Variants in AMPD3 observed in about 807,000 individuals in gnomAD.
AMPD3 encodes the protein AMP deaminase 3.
In AMPD3, 57 loss-of-function variants were observed where a neutral mutation model predicts 82.3. The observed-to-expected ratio is 0.69, with a 90% CI of 0.56 to 0.86. The LOEUF (loss-of-function observed/expected upper bound fraction) is 0.86, where lower values mean the gene tolerates loss of function less well. AMPD3 is among the 40% of genes least tolerant of loss of function. AMPD3 has a pLI of 0.00. For missense variants in AMPD3, 870 were observed against 1,003.8 expected, an observed-to-expected ratio of 0.87 and a Z score of 1.80; for synonymous variants, 381 against 394.7, an observed-to-expected ratio of 0.97 and a Z score of 0.41.
chr11:10,489,865 G>A (rs2133910483), intron 6 of AMPD3, among the ~76,000 whole-genome samples: 1 of 152,206 alleles, frequency 6.6e-6, no homozygotes, highest in Non-Finnish European at 1.5e-5. Context: ...ATTTTTAGTA[G>A]AGATGGGGTT....
At chr11:10,493,186 C>T (rs142679296) in intron 6 of AMPD3, among the ~76,000 whole-genome samples, 163 bp from the exon 7 acceptor site, 58 of 152,260 alleles carry the variant, frequency 3.8e-4, no homozygotes, top group African/African-American at 1.1e-3. Context: ...ATACCAGTTC[C>T]GAAGTCTGGA....
At chr11:10,455,191 T>C (rs1336172653), upstream of AMPD3, 24 of 985,316 alleles carry the variant, frequency 2.4e-5, no homozygotes, top group Non-Finnish European at 2.8e-5. Context: ...GCCATTTTGC[T>C]CATGGTTATT....
rs1294221839 is a variant in AMPD3 at position 10,507,453 on chromosome 11, GT to G, written c.*1573del. The G allele has an allele frequency of 4.6e-5, 7 of 151,836 alleles. No individual in the cohort carries two copies. Among genetic ancestry groups the G allele is most frequent in the African/African-American group, 1.7e-4 (7 of 41,116 alleles). The allele number at this position is 151,836 out of a possible 1,614,324, so 9.4% of individuals were successfully genotyped here. A position where few individuals can be genotyped will look rare whatever the true frequency, so the allele number is the denominator to read the frequency against. ...AAATCCATTGTTATCTTAGGGATTAGTTTTGAAAAGCCCCCGTTTATATACA... is the reference window on the plus strand; with the variant it reads ...AAATCCATTGTTATCTTAGGGATTAGTTTGAAAAGCCCCCGTTTATATACA... On this transcript the variant is annotated 3_prime_UTR_variant, in exon 15 of 15. Coordinates refer to ENST00000396553, the MANE Select transcript of AMPD3 (RefSeq NM_001025389.2).
chr11:10,481,437 G>A, intron 3 of AMPD3: 1 of 985,380 alleles, frequency 1.0e-6, no homozygotes, highest in Non-Finnish European at 1.2e-6. Context: ...TTAGCTGCAT[G>A]TGAGGCCGGC....
At chr11:10,450,660 C>A (rs563278746), upstream of AMPD3, 2 of 1,018,452 alleles carry the variant, frequency 2.0e-6, no homozygotes, top group South Asian at 4.6e-5. Flanking sequence ...CGGCCAAGGG[C>A]CCTGGCGGCC....
chr11:10,490,056 C>G (rs1490885489), intron 6 of AMPD3, among the ~76,000 whole-genome samples: 1 of 152,114 alleles, frequency 6.6e-6, no homozygotes, highest in African/African-American at 2.4e-5. Context: ...GGATGATGGC[C>G]TCCGTATGTC....
intron 10 of AMPD3, chr11:10,499,593 C>T: frequency 1.1e-6 from 1 of 940,906 alleles, no homozygotes; most frequent in Non-Finnish European, 1.3e-6. Flanking sequence ...TGGCAGCCAA[C>T]CCCTCCCTCC....
In AMPD3 at chr11:10,484,899, C is replaced by T. The variant is rs34319136; in HGVS notation, c.669C>T (p.His223=). The part of the protein sequence containing the change: ...DAPPNLDYLV[H]MQGGILFVYD... The stretch of plus-strand genomic sequence containing the variant: ...CCCCCAACCTGGATTACTTGGTCCA[C>T]ATGCAGGGGGGCATCCTCTTTGTGT... The change falls in exon 5 of 15, where the codon CAC becomes CAT. Residue 223 remains histidine (H), a synonymous_variant. Coordinates refer to ENST00000396553, the MANE Select transcript of AMPD3 (RefSeq NM_001025389.2). 6,862 of 1,614,096 alleles carry T rather than the reference C, an allele frequency of 4.3e-3. 213 individuals carry two copies. In the African/African-American group the frequency reaches 0.071, roughly 17 times the overall value.
In AMPD3 at chr11:10,493,357, A is replaced by G. The variant is rs559431211; in HGVS notation, c.948A>G (p.Thr316=). ...TGGGCGCTGTGTTCCAGGTGGACAC[A>G]CACATCCATGCGGCCGCCTGCATGA... The part of the protein sequence containing the change: ...RDFYNVRKVD[T]HIHAAACMNQ... Residue 316 remains threonine, a synonymous_variant, in exon 7 of 15, where the codon ACA becomes ACG. Coordinates refer to ENST00000396553, the MANE Select transcript of AMPD3 (RefSeq NM_001025389.2). The G allele has an allele frequency of 7.4e-6, 12 of 1,614,168 alleles. No homozygotes were observed. In the South Asian group the frequency reaches 1.3e-4, roughly 18 times the overall value.
chr11:10,489,226 A>G (rs1010434156), intron 6 of AMPD3, among the ~76,000 whole-genome samples: 2 of 152,112 alleles, frequency 1.3e-5, no homozygotes, highest in Admixed American at 1.3e-4. Flanking sequence ...AGCCCTGCCC[A>G]AAGAACTTCA....
At chr11:10,487,152 T>A (rs962481577) in intron 5 of AMPD3, 83 bp from the exon 6 acceptor site, 27 of 1,601,382 alleles carry the variant, frequency 1.7e-5, no homozygotes, top group Non-Finnish European at 2.2e-5. Context: ...CAGCCAGGGT[T>A]GGCCCCTGCA....
rs879121732 is a variant in AMPD3 at position 10,484,707 on chromosome 11, G to A, written c.590-113G>A. 36 of 1,354,352 alleles carry A rather than the reference G, an allele frequency of 2.7e-5. 2 individuals carry two copies. The highest frequency in any genetic ancestry group is 2.1e-4 in the East Asian group (9 of 43,140). 83.9% of individuals were successfully genotyped at this position (1,354,352 alleles called of 1,614,324 possible). On this transcript the variant is annotated intron_variant, in intron 4 of 14. Coordinates refer to ENST00000396553, the MANE Select transcript of AMPD3 (RefSeq NM_001025389.2). ...GGAAGAGCATATGAGATGCGGGGCC[G>A]GCGCAGGGTTGGATTTTGGGCAGGA... is the stretch of plus-strand genomic sequence containing the variant.
At chr11:10,463,294 C>T (rs1848324753) in intron 2 of AMPD3, among the ~76,000 whole-genome samples, 1 of 152,196 alleles carries the variant, frequency 6.6e-6, no homozygotes, top group Non-Finnish European at 1.5e-5. Flanking sequence ...CTTCACCACT[C>T]ATAAGACCAG....
At chr11:10,457,173 G>A (rs1465037050) in intron 1 of AMPD3, among the ~76,000 whole-genome samples, 1 of 151,404 alleles carries the variant, frequency 6.6e-6, no homozygotes, top group Admixed American at 6.6e-5. Context: ...TAGAGATGAG[G>A]TTCTGACATA....
intron 2 of AMPD3, among the ~76,000 whole-genome samples, chr11:10,475,013 T>C (rs1295373997): frequency 6.6e-6 from 1 of 152,220 alleles, no homozygotes; most frequent in African/African-American, 2.4e-5. Context: ...TGTATTAGTT[T>C]GCACTGCTAT....
At position 10,494,980 on chromosome 11, in the gene AMPD3, T is replaced by A. The variant is rs1171235727; in HGVS notation, c.1216T>A (p.Leu406Met). ...GGCCAGTGAGCTGCGTGACCTGTAT[T>A]TGAAAACTGAAAACTATCTGGGAGG... ...VGASELRDLY[L>M]KTENYLGGEY... Residue 406 changes from leucine to methionine, a missense_variant, in exon 8 of 15, where the codon TTG becomes ATG. Transcript: ENST00000396553. 1.2e-6 allele frequency: 2 copies of A among 1,614,078 alleles called. No homozygotes were observed. Among genetic ancestry groups the A allele is most frequent in the Non-Finnish European group, 1.7e-6 (2 of 1,180,022 alleles).
At chr11:10,502,670 C>T (rs1308164895) in intron 12 of AMPD3, 51 bp from the exon 13 acceptor site, 1 of 1,607,676 alleles carries the variant, frequency 6.2e-7, no homozygotes, top group Admixed American at 1.7e-5. Context: ...TTCCCTTTTC[C>T]CTTCTCCCCT....
Position 10,456,316 on chromosome 11 carries a change from G to T in AMPD3, c.-6+868G>T. 1 of 1,611,220 alleles carries T rather than the reference G, an allele frequency of 6.2e-7. No individual in the cohort carries two copies. Among genetic ancestry groups the T allele is most frequent in the Non-Finnish European group, 8.5e-7 (1 of 1,178,080 alleles). ...CCAGCTGCACGCACGCACTGACTCA[G>T]CTGAGCCTCCTGGGTGGCAGGCAGC... On this transcript the variant is annotated intron_variant, in intron 1 of 14. Transcript: ENST00000396553. This position sits in a 1 kb window ranked among gnomAD's most constrained non-coding sequence, Gnocchi z 4.3.
intron 13 of AMPD3, among the ~76,000 whole-genome samples, chr11:10,503,463 A>T (rs1236314588): frequency 6.6e-6 from 1 of 152,184 alleles, no homozygotes; most frequent in Non-Finnish European, 1.5e-5. Context: ...CTTAACAAAA[A>T]CAGAAGCACC....
Sources: allele counts gnomAD v4.1 joint callset (sites outside exome capture counted in the v4.1 genomes callset), GRCh38; gene constraint gnomAD v4.1.1; non-coding constraint Gnocchi (gnomAD v3.1); transcripts MANE v1.5; gene names NCBI Gene and HGNC (gene_info 2026-07-23, HGNC 2026-07-21).